The following SNX13 variants were observed in gnomAD, a reference collection of about 807,000 sequenced individuals.
SNX13 encodes sorting nexin 13.
A neutral mutation model predicts 133.6 loss-of-function variants in SNX13; 45 were observed. That is an observed-to-expected ratio of 0.34 (90% CI 0.27 to 0.43). SNX13 has a LOEUF of 0.43. Ranked by LOEUF, SNX13 falls within the 20% of genes least tolerant of loss-of-function variation. The pLI, the probability that SNX13 is intolerant of heterozygous loss-of-function variation, is 1.00. For synonymous variants in SNX13, 414 were observed against 373.9 expected (o/e 1.11, Z -1.24); for missense variants, 1,032 against 1,145.1 (o/e 0.90, Z 1.43).
Position 17,797,079 on chromosome 7 carries a change from T to C in SNX13, c.2514-140A>G, listed in dbSNP as rs557653426. 2.1e-5 allele frequency: 14 copies of C among 664,336 alleles called. No individual in the cohort carries two copies. In the African/African-American group the frequency reaches 2.6e-4, roughly 12 times the overall value. The allele number at this position is 664,336 out of a possible 1,614,324, so 41.2% of individuals were successfully genotyped here. On this transcript the variant is annotated intron_variant, in intron 24 of 25. Coordinates refer to ENST00000428135, the MANE Select transcript of SNX13 (RefSeq NM_015132.5). ...TCTGAATAATAACATATAGCTATAA[T>C]GATATTCAAGAAAGATCAACTAAGT...
Position 17,850,281 on chromosome 7 carries a change from G to A in SNX13, c.1065+66C>T, listed in dbSNP as rs1020370861. The A allele has an allele frequency of 2.9e-6, 3 of 1,025,804 alleles. No individual in the cohort carries two copies. In the Admixed American group the frequency reaches 9.9e-5, roughly 34 times the overall value. The allele number at this position is 1,025,804 out of a possible 1,614,324, so 63.5% of individuals were successfully genotyped here. ...AACGTCCTGCTTTTTGTCCTTTACT[G>A]TGCATTTTTAATCCCTATAGTATAG... is the stretch of plus-strand genomic sequence containing the variant. On this transcript the variant is annotated intron_variant, in intron 11 of 25. Transcript: ENST00000428135.
chr7:17,874,152 A>G (rs915837174), intron 7 of SNX13, among the ~76,000 whole-genome samples: 2 of 152,154 alleles, frequency 1.3e-5, no homozygotes, highest in African/African-American at 4.8e-5. Context: ...ATATAAATTG[A>G]CCCTTGAACA....
rs188180919 is a variant in SNX13, at chr7:17,817,107, A to G, written c.1846-818T>C. 5.5e-4 allele frequency among the ~76,000 whole-genome samples: 84 copies of G among 152,378 alleles called. 1 individual carries two copies. The East Asian group carries it at 0.015, about 27-fold the overall frequency. ...AGATTACACTAACCAAAAAAAATTA[A>G]GAACAGTCAGCATATACTTTATCTT... On this transcript the variant is annotated intron_variant, in intron 18 of 25. Transcript: ENST00000428135.
At chr7:17,862,735 T>C (rs1175429656) in intron 9 of SNX13, among the ~76,000 whole-genome samples, 2 of 152,170 alleles carry the variant, frequency 1.3e-5, no homozygotes, top group East Asian at 1.9e-4. Flanking sequence ...TTTGCTACTA[T>C]AACCAATGCT....
intron 1 of SNX13, among the ~76,000 whole-genome samples, chr7:17,924,439 C>T (rs1800490533): frequency 1.3e-5 from 2 of 152,206 alleles, no homozygotes. Context: ...AGAGATGCTA[C>T]TTGCGCTCAC....
At chr7:17,901,927 G>A (rs1272188534) in intron 1 of SNX13, among the ~76,000 whole-genome samples, 1 of 152,084 alleles carries the variant, frequency 6.6e-6, no homozygotes, top group Non-Finnish European at 1.5e-5. Flanking sequence ...CAGTTGTTAG[G>A]ACTAAACTGT....
intron 20 of SNX13, among the ~76,000 whole-genome samples, chr7:17,809,318 C>A (rs868268066): frequency 8.2e-5 from 11 of 134,264 alleles, no homozygotes; most frequent in African/African-American, 2.6e-4. Flanking sequence ...GCAGGTATTG[C>A]AATCTTAGTC....
intron 8 of SNX13, among the ~76,000 whole-genome samples, chr7:17,871,087 G>C (rs1056718866): frequency 5.9e-5 from 9 of 151,564 alleles, no homozygotes; most frequent in Non-Finnish European, 1.3e-4. Context: ...CTCACTGCAA[G>C]CTCCGCCTCC....
intron 5 of SNX13, 135 bp downstream of exon 5, chr7:17,890,228 G>C: frequency 2.7e-6 from 2 of 737,112 alleles, no homozygotes; most frequent in Non-Finnish European, 3.9e-6. Context: ...TAAAATCTTG[G>C]AGTTATCCCA....
At chr7:17,812,686 A>G (rs1374485182) in intron 20 of SNX13, among the ~76,000 whole-genome samples, 1 of 152,224 alleles carries the variant, frequency 6.6e-6, no homozygotes, top group African/African-American at 2.4e-5. Flanking sequence ...CTGTAAAGAC[A>G]CATGCACACG....
intron 9 of SNX13, among the ~76,000 whole-genome samples, chr7:17,854,937 T>TA (rs369528396): frequency 1.5e-3 from 229 of 152,218 alleles, no homozygotes; most frequent in African/African-American, 5.1e-3. Flanking sequence ...AAGACAGACT[T>TA]AAAGCTTGGT....
At chr7:17,876,475 G>C (rs1443806929) in intron 5 of SNX13, among the ~76,000 whole-genome samples, 1 of 150,344 alleles carries the variant, frequency 6.7e-6, no homozygotes, top group Non-Finnish European at 1.5e-5. Context: ...AGCTGCTAGG[G>C]AAGCTGAAGT....
intron 1 of SNX13, among the ~76,000 whole-genome samples, chr7:17,936,458 C>T (rs1373980460): frequency 6.6e-6 from 1 of 152,166 alleles, no homozygotes; most frequent in African/African-American, 2.4e-5. Flanking sequence ...ACAGACAACT[C>T]AAACAACTAA....
At chr7:17,858,999 A>C (rs983856316) in intron 9 of SNX13, among the ~76,000 whole-genome samples, 1 of 152,140 alleles carries the variant, frequency 6.6e-6, no homozygotes, top group South Asian at 2.1e-4. Flanking sequence ...AAATTATAAA[A>C]CTTAGCATAG....
chr7:17,866,595 T>C lies in SNX13; in HGVS notation c.837+1812A>G, dbSNP rs974384702. Among the ~76,000 whole-genome samples, 5 of 152,226 alleles carry C rather than the reference T, an allele frequency of 3.3e-5. No homozygotes were observed. The South Asian group carries it at 6.2e-4, about 19-fold the overall frequency. On this transcript the variant is annotated intron_variant, in intron 9 of 25. Transcript: ENST00000428135. ...AGAATGAAATATTGACTGAGGGACA[T>C]TATGTTAAGTCAAATTAACCATGCA...
chr7:17,799,980 C>T (rs1784445096), intron 22 of SNX13, among the ~76,000 whole-genome samples: 1 of 151,744 alleles, frequency 6.6e-6, no homozygotes, highest in South Asian at 2.1e-4. Context: ...ACATTTTTCA[C>T]TGTCACGTTA....
At chr7:17,834,266 C>A (rs1583411743) in intron 14 of SNX13, 82 bp from the exon 15 acceptor site, 1 of 1,233,004 alleles carries the variant, frequency 8.1e-7, no homozygotes, top group African/African-American at 1.5e-5. Flanking sequence ...CCAAAAGACA[C>A]ACTGAGGTCT....
chr7:17,799,534 T>C (rs980054114), intron 22 of SNX13, among the ~76,000 whole-genome samples: 2 of 151,798 alleles, frequency 1.3e-5, no homozygotes, highest in African/African-American at 4.8e-5. Context: ...AAGAATAAGA[T>C]ATTCTCAACA....
rs572395662 is a variant in SNX13, at chr7:17,886,711, T to G, written c.440+3652A>C. 2.4e-4 allele frequency among the ~76,000 whole-genome samples: 37 copies of G among 152,328 alleles called. 2 individuals are homozygous for G. In the South Asian group the frequency reaches 6.6e-3, roughly 27 times the overall value. On this transcript the variant is annotated intron_variant, in intron 5 of 25. Transcript: ENST00000428135. ...AACAACAAGGTTGCTTGTTATAGTT[T>G]CTACTACACTATCCTTATCTTCTTT...
Sources: gnomAD v4.1 joint callset for allele counts (sites outside exome capture counted in the v4.1 genomes callset) on GRCh38, gnomAD v4.1.1 for gene constraint, MANE v1.5 for transcripts, NCBI Gene and HGNC (gene_info 2026-07-23, HGNC 2026-07-21) for gene names.